Variants in SLC4A4 observed in about 807,000 individuals in gnomAD.
SLC4A4 encodes the protein electrogenic sodium bicarbonate cotransporter 1.
SLC4A4 carries 27 observed loss-of-function variants against 111.5 expected under a neutral mutation model. The observed-to-expected ratio is 0.24, with a 90% CI of 0.18 to 0.33. SLC4A4 has a LOEUF of 0.33. Ranked by LOEUF, SLC4A4 falls within the 10% of genes least tolerant of loss-of-function variation. The probability of loss-of-function intolerance (pLI) is 1.00; values close to 1 mark genes in which losing one functional copy is unlikely to be tolerated. For missense variants in SLC4A4, 909 were observed against 1,315.5 expected (o/e 0.69, Z 4.78); for synonymous variants, 443 against 463.4 (o/e 0.96, Z 0.57).
intron 18 of SLC4A4, among the ~76,000 whole-genome samples, chr4:71,534,803 T>C (rs1379658672): frequency 6.6e-6 from 1 of 152,182 alleles, no homozygotes; most frequent in Non-Finnish European, 1.5e-5. Context: ...AGATAGTTCA[T>C]GGTTGTAAGC....
chr4:71,194,422 C>A (rs1356765060), intron 1 of SLC4A4, among the ~76,000 whole-genome samples: 1 of 152,100 alleles, frequency 6.6e-6, no homozygotes, highest in Non-Finnish European at 1.5e-5. Flanking sequence ...ATTTAAGTAT[C>A]TTTCTTAAAC....
chr4:71,092,715 T>C (rs1444278078), intron 1 of SLC4A4, among the ~76,000 whole-genome samples: 3 of 152,226 alleles, frequency 2.0e-5, no homozygotes, highest in Non-Finnish European at 4.4e-5. Context: ...GTAATTGTTA[T>C]TTTTCTTTTT....
chr4:71,240,416 G>C (rs1720116943), intron 2 of SLC4A4, among the ~76,000 whole-genome samples: 1 of 152,180 alleles, frequency 6.6e-6, no homozygotes, highest in South Asian at 2.1e-4. Context: ...GAAAATATAA[G>C]ATGCAGTAAC....
intron 6 of SLC4A4, among the ~76,000 whole-genome samples, chr4:71,358,514 A>T (rs73826289): frequency 0.031 from 4,741 of 152,240 alleles, 164 homozygotes; most frequent in South Asian, 0.13. Context: ...AAAACACTAC[A>T]AGCAGATTTT....
In SLC4A4 at chr4:71,357,246, C is replaced by T. The variant is rs746128536; in HGVS notation, c.730+59C>T. On this transcript the variant is annotated intron_variant, in intron 6 of 25. Coordinates refer to ENST00000264485, the MANE Select transcript of SLC4A4 (RefSeq NM_001098484.3). Reference sequence around the variant, plus strand: ...TTACTTATTTCACTCACCTTTACACCGTCTCCTGTCATCTTTGTTTTAACC... The same window carrying T: ...TTACTTATTTCACTCACCTTTACACTGTCTCCTGTCATCTTTGTTTTAACC... 3.2e-5 allele frequency: 48 copies of T among 1,507,980 alleles called. No individual in the cohort carries two copies. In the East Asian group the frequency reaches 4.7e-4, roughly 15 times the overall value. 93.4% of individuals were successfully genotyped at this position (1,507,980 alleles called of 1,614,324 possible).
intron 6 of SLC4A4, among the ~76,000 whole-genome samples, chr4:71,388,196 G>A (rs1490079063): frequency 6.6e-6 from 1 of 151,994 alleles, no homozygotes; most frequent in Non-Finnish European, 1.5e-5. Flanking sequence ...ATTTTATATG[G>A]TTTCATCACA....
intron 1 of SLC4A4, among the ~76,000 whole-genome samples, chr4:71,066,735 C>T (rs964653978): frequency 6.6e-5 from 10 of 152,150 alleles, no homozygotes; most frequent in Non-Finnish European, 1.2e-4. Flanking sequence ...AGCTCAGAAT[C>T]GATAGAATCC....
chr4:71,552,014 C>T (rs576467246), intron 20 of SLC4A4, among the ~76,000 whole-genome samples: 3 of 151,886 alleles, frequency 2.0e-5, no homozygotes, highest in Admixed American at 6.6e-5. Context: ...GGTCTGTACT[C>T]CTGCCATTTT....
At chr4:71,391,221 CTTAG>C (rs1335848957) in intron 6 of SLC4A4, among the ~76,000 whole-genome samples, 1 of 151,944 alleles carries the variant, frequency 6.6e-6, no homozygotes, top group Admixed American at 6.6e-5. Flanking sequence ...TGTAAGTTAT[CTTAG>C]TTATTTTTTG....
At chr4:71,160,449 A>T (rs1045385189) in intron 2 of SLC4A4, among the ~76,000 whole-genome samples, 1 of 152,062 alleles carries the variant, frequency 6.6e-6, no homozygotes, top group Non-Finnish European at 1.5e-5. Context: ...ACATTGAGCT[A>T]TTCTCATGTG....
intron 12 of SLC4A4, among the ~76,000 whole-genome samples, chr4:71,461,702 A>G (rs374073481): frequency 6.6e-6 from 1 of 152,250 alleles, no homozygotes; most frequent in East Asian, 1.9e-4. Context: ...AGTAAAAAAT[A>G]TGTTTTACTA....
At chr4:71,516,368 A>G (rs1732399157) in intron 16 of SLC4A4, among the ~76,000 whole-genome samples, 1 of 152,054 alleles carries the variant, frequency 6.6e-6, no homozygotes, top group Non-Finnish European at 1.5e-5. Context: ...AAGTGCTGGG[A>G]TTACAGGCGT....
At chr4:71,303,894 A>G (rs1725474670) in intron 3 of SLC4A4, among the ~76,000 whole-genome samples, 1 of 152,032 alleles carries the variant, frequency 6.6e-6, no homozygotes, top group South Asian at 2.1e-4. Context: ...CCCCAGATTC[A>G]GTTTCATCAA....
intron 15 of SLC4A4, among the ~76,000 whole-genome samples, chr4:71,497,134 G>C (rs533704392): frequency 3.2e-4 from 48 of 152,144 alleles, no homozygotes; most frequent in African/African-American, 1.1e-3. Context: ...TTTTGAAAAA[G>C]GGAACCGTTT....
At chr4:71,356,945 G>A (rs1730337956) in intron 5 of SLC4A4, 63 bp from the exon 6 acceptor site, 3 of 1,480,588 alleles carry the variant, frequency 2.0e-6, no homozygotes, top group Non-Finnish European at 2.8e-6. Context: ...TAAAGTTAGA[G>A]TAAAAAAATA....
intron 2 of SLC4A4, among the ~76,000 whole-genome samples, chr4:71,162,016 A>G (rs1369787273): frequency 1.3e-5 from 2 of 152,202 alleles, no homozygotes; most frequent in Non-Finnish European, 2.9e-5. Context: ...GAGTTTAATA[A>G]TGAAGACTAT....
chr4:71,474,728 A>G (rs908868268), intron 14 of SLC4A4, among the ~76,000 whole-genome samples: 2 of 151,912 alleles, frequency 1.3e-5, no homozygotes, highest in South Asian at 2.1e-4. Flanking sequence ...AGAAAGTTAT[A>G]TAAAGTAGAA....
intron 1 of SLC4A4, among the ~76,000 whole-genome samples, chr4:71,211,917 C>G (rs755751591): frequency 6.6e-5 from 10 of 151,580 alleles, no homozygotes; most frequent in Admixed American, 5.9e-4. Context: ...CGCTAAAAAC[C>G]AGGGATTTTT....
At chr4:71,404,701 G>T (rs1720678422) in intron 7 of SLC4A4, among the ~76,000 whole-genome samples, 1 of 152,112 alleles carries the variant, frequency 6.6e-6, no homozygotes, top group South Asian at 2.1e-4. Flanking sequence ...GTGGCAAATT[G>T]TTACAAAACC....
Sources: allele counts gnomAD v4.1 joint callset (sites outside exome capture counted in the v4.1 genomes callset), GRCh38; gene constraint gnomAD v4.1.1; transcripts MANE v1.5; gene names NCBI Gene and HGNC (gene_info 2026-07-23, HGNC 2026-07-21).